The following AXDND1 variants were observed in gnomAD, a reference collection of about 807,000 sequenced individuals.
AXDND1 encodes the protein axonemal dynein light chain domain containing 1.
A neutral mutation model predicts 137.5 loss-of-function variants in AXDND1; 110 were observed. The ratio of observed to expected loss-of-function variants is 0.80; its 90% CI spans 0.69 to 0.94. The LOEUF (loss-of-function observed/expected upper bound fraction) is 0.94, where lower values mean the gene tolerates loss of function less well. Ranked by LOEUF, AXDND1 falls within the 40% of genes least tolerant of loss-of-function variation. AXDND1 has a pLI of 0.00. For synonymous variants in AXDND1, 414 were observed against 399.7 expected, an observed-to-expected ratio of 1.04 and a Z score of -0.43; for missense variants, 1,191 against 1,169.8, an observed-to-expected ratio of 1.02 and a Z score of -0.26.
intron 12 of AXDND1, among the ~76,000 whole-genome samples, chr1:179,427,768 T>C (rs1426041165): frequency 6.6e-6 from 1 of 152,156 alleles, no homozygotes; most frequent in African/African-American, 2.4e-5. Flanking sequence ...ACCCACATTT[T>C]TCATATGAGG....
In AXDND1 at chr1:179,534,809, A is replaced by C. The variant is rs1482219302; in HGVS notation, c.2878A>C (p.Asn960His). The C allele has an allele frequency of 6.2e-7, 1 of 1,607,280 alleles. No individual in the cohort carries two copies. Among genetic ancestry groups the C allele is most frequent in the Non-Finnish European group, 8.5e-7 (1 of 1,178,606 alleles). The change falls in exon 25 of 26, where the codon AAT becomes CAT. Residue 960 changes from asparagine to histidine, a missense_variant. Transcript: ENST00000367618. Reference protein sequence around the residue: ...YEKLHHTLIKNKDLEELVMTS... With the variant: ...YEKLHHTLIKHKDLEELVMTS... ...GAAACTTCATCATACCCTTATAAAAAATAAAGATCTAGAGGAATTAGTCAT... is the reference window on the plus strand; with the variant it reads ...GAAACTTCATCATACCCTTATAAAACATAAAGATCTAGAGGAATTAGTCAT...
chr1:179,508,829 T>C (rs530828302), intron 20 of AXDND1, among the ~76,000 whole-genome samples: 11 of 152,252 alleles, frequency 7.2e-5, no homozygotes, highest in African/African-American at 2.2e-4. Flanking sequence ...AGTTTCCTCA[T>C]CTTAAAAAAT....
intron 18 of AXDND1, among the ~76,000 whole-genome samples, chr1:179,485,391 C>G (rs1259638017): frequency 6.6e-6 from 1 of 152,166 alleles, no homozygotes; most frequent in African/African-American, 2.4e-5. Context: ...ATACCAGACC[C>G]TAGAGTTAGA....
chr1:179,547,293 A>G (rs1428426749), intron 25 of AXDND1, among the ~76,000 whole-genome samples: 1 of 152,194 alleles, frequency 6.6e-6, no homozygotes, highest in African/African-American at 2.4e-5. Context: ...AGCTGTGTCT[A>G]GGGTTCATCA....
chr1:179,506,758 C>A, intron 20 of AXDND1: 1 of 579,392 alleles, frequency 1.7e-6, no homozygotes, highest in Non-Finnish European at 2.2e-6. Flanking sequence ...TTCCTCTATG[C>A]CATTTGGTCT....
intron 21 of AXDND1, among the ~76,000 whole-genome samples, chr1:179,524,212 T>A (rs1410175109): frequency 6.6e-6 from 1 of 152,096 alleles, no homozygotes; most frequent in Non-Finnish European, 1.5e-5. Context: ...TACCCAGGAG[T>A]GGGATTGCTG....
chr1:179,459,962 T>TCTCTCTCTTTTCTTTTCTTCC (rs1662050562), intron 16 of AXDND1, among the ~76,000 whole-genome samples: 1 of 65,948 alleles, frequency 1.5e-5, no homozygotes, highest in Non-Finnish European at 3.9e-5. Flanking sequence ...TTCTTCCTTC[T>TCTCTCTCTTTTCTTTTCTTCC]TTCTTTCTTT....
intron 15 of AXDND1, among the ~76,000 whole-genome samples, chr1:179,442,991 A>G (rs1438496021): frequency 6.6e-6 from 1 of 152,134 alleles, no homozygotes; most frequent in Non-Finnish European, 1.5e-5. Context: ...GATAGCGAGA[A>G]AGGGGGGCGG....
rs376189496 is a variant in AXDND1, at chr1:179,488,634, C to CTCTTTCTTTCTTT, written c.2092-2904_2092-2903insTCTTTCTTTCTTT. 5.7e-5 allele frequency among the ~76,000 whole-genome samples: 6 copies of CTCTTTCTTTCTTT among 105,170 alleles called. 1 individual carries two copies. The highest frequency in any genetic ancestry group is 1.6e-4 in the African/African-American group (4 of 25,574). 69.0% of individuals were successfully genotyped at this position (105,170 alleles called of 152,430 possible). A position where few individuals can be genotyped will look rare whatever the true frequency, so the allele number is the denominator to read the frequency against. On this transcript the variant is annotated intron_variant, in intron 18 of 25. Transcript: ENST00000367618. ...TTTCTTTCTTTCTCTCTCTCTCTCT[C>CTCTTTCTTTCTTT]CTTTCTTTCTTTCTTTCTTTCTTTC...
chr1:179,426,035 C>T (rs1656521628), intron 12 of AXDND1, among the ~76,000 whole-genome samples: 1 of 151,946 alleles, frequency 6.6e-6, no homozygotes, highest in Non-Finnish European at 1.5e-5. Flanking sequence ...CGGGGTTTTA[C>T]CATGTTGGTC....
At chr1:179,524,541 A>G (rs1204576437) in intron 21 of AXDND1, among the ~76,000 whole-genome samples, 3 of 152,100 alleles carry the variant, frequency 2.0e-5, no homozygotes, top group Non-Finnish European at 4.4e-5. Context: ...AAACCTATTT[A>G]TCCAGTTTTG....
intron 15 of AXDND1, among the ~76,000 whole-genome samples, chr1:179,444,378 C>T (rs1449217001): frequency 2.6e-5 from 4 of 152,036 alleles, no homozygotes; most frequent in Non-Finnish European, 5.9e-5. Context: ...AGTTCTTACT[C>T]CTAATTGCTC....
At chr1:179,399,800 AAATGG>A (rs1296999877) in intron 11 of AXDND1, among the ~76,000 whole-genome samples, 1 of 152,246 alleles carries the variant, frequency 6.6e-6, no homozygotes. Flanking sequence ...GAAGATATAC[AAATGG>A]GCAACAAACA....
rs184348083 is a variant in AXDND1, at chr1:179,542,152, A to G, written c.3031+7190A>G. 2.3e-4 allele frequency among the ~76,000 whole-genome samples: 35 copies of G among 152,156 alleles called. 1 individual carries two copies. Among genetic ancestry groups the G allele is most frequent in the Admixed American group, 2.1e-3 (32 of 15,276 alleles). On this transcript the variant is annotated intron_variant, in intron 25 of 25. Transcript: ENST00000367618. ...TATAGGGAGAGGAATTTAATTGTTCATTTTCTTATTTCTAATTAGTGCTGC... is the reference window on the plus strand; with the variant it reads ...TATAGGGAGAGGAATTTAATTGTTCGTTTTCTTATTTCTAATTAGTGCTGC...
At chr1:179,432,440 T>G in intron 15 of AXDND1, 98 bp downstream of exon 15, 1 of 1,368,426 alleles carries the variant, frequency 7.3e-7, no homozygotes, top group Non-Finnish European at 9.6e-7. Context: ...TTTTTTTTTT[T>G]TGGGACGTTG....
At chr1:179,546,245 T>C (rs1672630071) in intron 25 of AXDND1, 2 of 149,984 alleles carry the variant, frequency 1.3e-5, no homozygotes, top group African/African-American at 2.5e-5. Context: ...TCCACTAAGA[T>C]GGGACACACT....
intron 9 of AXDND1, among the ~76,000 whole-genome samples, chr1:179,387,785 T>A (rs1649468610): frequency 6.6e-6 from 1 of 152,220 alleles, no homozygotes; most frequent in African/African-American, 2.4e-5. Flanking sequence ...CATGAGTTTT[T>A]ACAGTCTGGT....
At chr1:179,441,192 T>C (rs1329994142) in intron 15 of AXDND1, among the ~76,000 whole-genome samples, 2 of 152,230 alleles carry the variant, frequency 1.3e-5, no homozygotes, top group Admixed American at 6.5e-5. Context: ...GCAGCACTGA[T>C]TGGCCCATTG....
At chr1:179,552,439 G>A (rs1387557570) in intron 25 of AXDND1, 1 of 665,140 alleles carries the variant, frequency 1.5e-6, no homozygotes, top group Admixed American at 2.1e-5. Flanking sequence ...TTAGTCAGGG[G>A]ACTATTAACA....
Sources: gnomAD v4.1 joint callset for allele counts (sites outside exome capture counted in the v4.1 genomes callset) on GRCh38, gnomAD v4.1.1 for gene constraint, MANE v1.5 for transcripts, NCBI Gene and HGNC (gene_info 2026-07-23, HGNC 2026-07-21) for gene names.